The following FMNL2 variants were observed in gnomAD, a reference collection of about 807,000 sequenced individuals.
FMNL2 encodes the protein formin-like protein 2.
In FMNL2, 51 loss-of-function variants were observed where a neutral mutation model predicts 130.2. That is an observed-to-expected ratio of 0.39 (90% CI 0.31 to 0.49). FMNL2 has a LOEUF of 0.49. Among genes scored for constraint, FMNL2 ranks in the 20% least tolerant of loss-of-function variants. FMNL2 has a pLI of 0.85. For missense variants in FMNL2, 977 were observed against 1,316.2 expected, an observed-to-expected ratio of 0.74 and a Z score of 3.99; for synonymous variants, 465 against 467.1, an observed-to-expected ratio of 1.00 and a Z score of 0.06.
intron 1 of FMNL2, among the ~76,000 whole-genome samples, chr2:152,474,586 T>A (rs1446629697): frequency 6.6e-6 from 1 of 152,146 alleles, no homozygotes; most frequent in Non-Finnish European, 1.5e-5. Context: ...CTTGGGAGGC[T>A]GAGGCATGAG....
intron 4 of FMNL2, among the ~76,000 whole-genome samples, chr2:152,550,178 A>G (rs1046878082): frequency 5.9e-5 from 9 of 152,222 alleles, no homozygotes; most frequent in Non-Finnish European, 1.2e-4. Context: ...TTTATTATGT[A>G]GATAAAAGTT....
intron 1 of FMNL2, among the ~76,000 whole-genome samples, chr2:152,363,277 T>C (rs934592577): frequency 2.6e-5 from 4 of 152,242 alleles, no homozygotes; most frequent in African/African-American, 9.7e-5. Flanking sequence ...ACCTTTTGTT[T>C]CAAGTTTCTA....
intron 1 of FMNL2, among the ~76,000 whole-genome samples, chr2:152,493,990 C>T (rs1691360050): frequency 1.3e-5 from 2 of 152,154 alleles, no homozygotes; most frequent in African/African-American, 2.4e-5. Flanking sequence ...ATCTTATTTG[C>T]TTGGTGTGTA....
chr2:152,445,717 A>T (rs1279992255), intron 1 of FMNL2, among the ~76,000 whole-genome samples: 1 of 152,144 alleles, frequency 6.6e-6, no homozygotes, highest in Non-Finnish European at 1.5e-5. Flanking sequence ...TACATTTCTT[A>T]CAAGTTCCCA....
intron 2 of FMNL2, among the ~76,000 whole-genome samples, chr2:152,532,334 T>G (rs1032349429): frequency 6.6e-6 from 1 of 152,172 alleles, no homozygotes; most frequent in Non-Finnish European, 1.5e-5. Context: ...TGTTCACCAG[T>G]TGTGTTTTCC....
chr2:152,577,426 G>T (rs2105704414), intron 7 of FMNL2, among the ~76,000 whole-genome samples: 1 of 152,292 alleles, frequency 6.6e-6, no homozygotes, highest in East Asian at 1.9e-4. Context: ...GGATATGCCA[G>T]TCTGGATTTC....
intron 9 of FMNL2, among the ~76,000 whole-genome samples, chr2:152,605,970 T>C (rs1698339748): frequency 6.6e-6 from 1 of 152,198 alleles, no homozygotes; most frequent in African/African-American, 2.4e-5. Flanking sequence ...CTCATTTATC[T>C]TCTATTCAGT....
chr2:152,436,101 G>C (rs1687748499), intron 1 of FMNL2, among the ~76,000 whole-genome samples: 2 of 151,668 alleles, frequency 1.3e-5, no homozygotes, highest in South Asian at 4.2e-4. Context: ...AACACCACGC[G>C]GTATTGCAAT....
At chr2:152,549,788 C>G (rs1212006536) in intron 4 of FMNL2, among the ~76,000 whole-genome samples, 1 of 152,186 alleles carries the variant, frequency 6.6e-6, no homozygotes, top group African/African-American at 2.4e-5. Flanking sequence ...TGGCTTCTCT[C>G]TAAGGTAGAA....
At chr2:152,518,134 G>A (rs1692880163) in intron 1 of FMNL2, among the ~76,000 whole-genome samples, 1 of 152,168 alleles carries the variant, frequency 6.6e-6, no homozygotes, top group South Asian at 2.1e-4. Context: ...AACAGCACAA[G>A]AGGAATGAGT....
chr2:152,585,966 A>C (rs2105747436), intron 9 of FMNL2, among the ~76,000 whole-genome samples: 1 of 152,022 alleles, frequency 6.6e-6, no homozygotes, highest in East Asian at 1.9e-4. Flanking sequence ...AAAGAGGAAA[A>C]GTACTGAGGC....
intron 6 of FMNL2, among the ~76,000 whole-genome samples, chr2:152,570,073 A>T (rs1221539621): frequency 6.6e-6 from 1 of 152,096 alleles, no homozygotes; most frequent in African/African-American, 2.4e-5. Flanking sequence ...TCTATCACTC[A>T]TACTAGCATT....
At chr2:152,349,101 C>G (rs1682315608) in intron 1 of FMNL2, among the ~76,000 whole-genome samples, 1 of 125,702 alleles carries the variant, frequency 8.0e-6, no homozygotes, top group Admixed American at 7.3e-5. Flanking sequence ...TCCCAAAGTG[C>G]TGGGATTACA....
At position 152,593,860 on chromosome 2, in the gene FMNL2, A is replaced by AGTGTGTGT. The variant is rs70974873; in HGVS notation, c.876+12847_876+12854dup. Among the ~76,000 whole-genome samples, 111 of 113,320 alleles carry AGTGTGTGT rather than the reference A, an allele frequency of 9.8e-4. 1 individual carries two copies. Among genetic ancestry groups the AGTGTGTGT allele is most frequent in the Middle Eastern group, 4.8e-3 (1 of 208 alleles). The allele number at this position is 113,320 out of a possible 152,430, so 74.3% of individuals were successfully genotyped here. A position where few individuals can be genotyped will look rare whatever the true frequency, so the allele number is the denominator to read the frequency against. ...TAGGGAGAGAGAGAGAGAGAGAGAG[A>AGTGTGTGT]GTGTGTGTGTGTGTGTGTGTGTGTG... On this transcript the variant is annotated intron_variant, in intron 9 of 25. Transcript: ENST00000288670.
chr2:152,517,098 A>G (rs1350079469), intron 1 of FMNL2, among the ~76,000 whole-genome samples: 2 of 152,166 alleles, frequency 1.3e-5, no homozygotes, highest in African/African-American at 4.8e-5. Context: ...TCATGGTTTC[A>G]TGGTTTATTG....
intron 1 of FMNL2, among the ~76,000 whole-genome samples, chr2:152,376,401 T>G (rs1162145848): frequency 6.6e-6 from 1 of 152,208 alleles, no homozygotes. Flanking sequence ...AGGACTGGGA[T>G]CCTTCGAACA....
At chr2:152,487,470 A>G (rs1364411269) in intron 1 of FMNL2, among the ~76,000 whole-genome samples, 1 of 152,234 alleles carries the variant, frequency 6.6e-6, no homozygotes, top group Non-Finnish European at 1.5e-5. Flanking sequence ...AAGTAAAGGT[A>G]GAAATTTTAC....
intron 23 of FMNL2, 76 bp downstream of exon 23, chr2:152,637,750 C>G (rs1682747996): frequency 7.8e-7 from 1 of 1,285,872 alleles, no homozygotes; most frequent in African/African-American, 1.5e-5. Flanking sequence ...TCCCAACTCT[C>G]TGCAGAGGCC....
Position 152,615,499 on chromosome 2 carries a change from G to A in FMNL2, c.1212+499G>A, listed in dbSNP as rs76942128. ...AACAATAGGCATTTTCAAGGACATC[G>A]GTGTGCTTTCTCATATATCCTGTTC... On this transcript the variant is annotated intron_variant, in intron 12 of 25. Transcript: ENST00000288670. 1.4e-4 allele frequency among the ~76,000 whole-genome samples: 21 copies of A among 152,144 alleles called. No individual in the cohort carries two copies. The East Asian group carries it at 3.3e-3, about 24-fold the overall frequency.
Sources: allele counts gnomAD v4.1 joint callset (sites outside exome capture counted in the v4.1 genomes callset), GRCh38; gene constraint gnomAD v4.1.1; transcripts MANE v1.5; gene names NCBI Gene and HGNC (gene_info 2026-07-23, HGNC 2026-07-21).